Variants in TFEC observed in about 807,000 individuals in gnomAD.
The protein encoded by TFEC is transcription factor EC.
In TFEC, 31 loss-of-function variants were observed where a neutral mutation model predicts 41.6. The observed-to-expected ratio is 0.74, with a 90% CI of 0.56 to 1.01. The LOEUF (loss-of-function observed/expected upper bound fraction) is 1.01. Ranked by LOEUF, TFEC falls within the 50% of genes least tolerant of loss-of-function variation. The probability of loss-of-function intolerance (pLI) is 0.00; values close to 1 mark genes in which losing one functional copy is unlikely to be tolerated. For missense variants in TFEC, 402 were observed against 404.1 expected, an observed-to-expected ratio of 0.99 and a Z score of 0.04; for synonymous variants, 143 against 140.6, an observed-to-expected ratio of 1.02 and a Z score of -0.12.
At chr7:116,108,588 G>C (rs1797774040) in intron 3 of TFEC, among the ~76,000 whole-genome samples, 1 of 152,016 alleles carries the variant, frequency 6.6e-6, no homozygotes, top group Non-Finnish European at 1.5e-5. Flanking sequence ...CTAAATTTTA[G>C]ATGTACACTG....
At chr7:115,992,110 G>A (rs1296227813) in intron 1 of TFEC, among the ~76,000 whole-genome samples, 2 of 152,010 alleles carry the variant, frequency 1.3e-5, no homozygotes, top group African/African-American at 4.8e-5. Context: ...ATGACTACTG[G>A]GTACACGACG....
At chr7:116,033,800 A>G (rs1350410755), upstream of TFEC, among the ~76,000 whole-genome samples, 1 of 152,126 alleles carries the variant, frequency 6.6e-6, no homozygotes, top group Non-Finnish European at 1.5e-5. Context: ...AAAGGAAAAC[A>G]AATAATCTTC....
intron 5 of TFEC, among the ~76,000 whole-genome samples, chr7:115,954,385 G>A (rs937002325): frequency 6.6e-5 from 10 of 152,006 alleles, no homozygotes; most frequent in Non-Finnish European, 1.2e-4. Flanking sequence ...GAGGGAATTC[G>A]AGATGTTTCA....
chr7:116,089,626 A>C (rs1046911004), intron 3 of TFEC, among the ~76,000 whole-genome samples: 1 of 150,324 alleles, frequency 6.7e-6, no homozygotes, highest in Admixed American at 6.6e-5. Context: ...TGTATATATA[A>C]AACCTCTCAT....
intron 1 of TFEC, among the ~76,000 whole-genome samples, chr7:116,116,756 G>A (rs1797998650): frequency 6.6e-6 from 1 of 151,810 alleles, no homozygotes. Context: ...TCTCATTGAA[G>A]GGTCTACTGA....
At chr7:116,004,435 A>G (rs1355525018) in intron 1 of TFEC, among the ~76,000 whole-genome samples, 2 of 152,186 alleles carry the variant, frequency 1.3e-5, no homozygotes, top group East Asian at 3.9e-4. Context: ...GTGACCTCTA[A>G]TGTAAACTAT....
chr7:116,051,911 G>A (rs1796321682), intron 3 of TFEC, among the ~76,000 whole-genome samples: 1 of 151,938 alleles, frequency 6.6e-6, no homozygotes, highest in African/African-American at 2.4e-5. Flanking sequence ...CAGGTTCTCA[G>A]GGCCTTATGC....
At chr7:116,060,668 T>C (rs1796533041) in intron 3 of TFEC, among the ~76,000 whole-genome samples, 4 of 151,908 alleles carry the variant, frequency 2.6e-5, no homozygotes, top group Admixed American at 2.0e-4. Flanking sequence ...GATAAGAAAT[T>C]ATAACACAAA....
chr7:116,080,483 AC>A, intron 3 of TFEC, among the ~76,000 whole-genome samples: 1 of 152,034 alleles, frequency 6.6e-6, no homozygotes, highest in African/African-American at 2.4e-5. Flanking sequence ...AGAAGAAAAA[AC>A]AAAAAACAAC....
chr7:116,105,110 A>G (rs1797686957), intron 3 of TFEC, among the ~76,000 whole-genome samples: 1 of 152,144 alleles, frequency 6.6e-6, no homozygotes, highest in African/African-American at 2.4e-5. Flanking sequence ...GGAAGGATGA[A>G]TGCCAATGCT....
At chr7:116,120,540 G>C (rs957404749) in intron 1 of TFEC, 9 of 151,922 alleles carry the variant, frequency 5.9e-5, no homozygotes, top group African/African-American at 2.2e-4. Context: ...TAAAATTTGA[G>C]AAGCACTGTC....
intron 1 of TFEC, among the ~76,000 whole-genome samples, chr7:115,985,716 TA>T (rs1793823374): frequency 6.6e-6 from 1 of 152,090 alleles, no homozygotes; most frequent in African/African-American, 2.4e-5. Context: ...TTTTCAGTCA[TA>T]TAAAAAAGAT....
intron 1 of TFEC, among the ~76,000 whole-genome samples, chr7:116,143,757 C>T (rs760180692): frequency 4.6e-5 from 7 of 152,202 alleles, no homozygotes; most frequent in Non-Finnish European, 7.3e-5. Context: ...TCTGTCCCTA[C>T]TCCTTCTGCA....
At chr7:116,078,641 T>C (rs1484067876) in intron 3 of TFEC, among the ~76,000 whole-genome samples, 1 of 152,050 alleles carries the variant, frequency 6.6e-6, no homozygotes, top group Non-Finnish European at 1.5e-5. Context: ...CAGGAAGATA[T>C]AGAAGCTCTG....
At chr7:116,077,741 A>C (rs1796993337) in intron 3 of TFEC, among the ~76,000 whole-genome samples, 1 of 152,084 alleles carries the variant, frequency 6.6e-6, no homozygotes. Flanking sequence ...TCCTAAATAT[A>C]GATGCACCTA....
chr7:116,139,335 G>T (rs1798494589), intron 1 of TFEC, among the ~76,000 whole-genome samples: 1 of 152,144 alleles, frequency 6.6e-6, no homozygotes, highest in African/African-American at 2.4e-5. Context: ...AGAGTTGACA[G>T]CCTCCATTCA....
At chr7:116,047,429 G>T (rs1395705859) in intron 3 of TFEC, among the ~76,000 whole-genome samples, 1 of 152,132 alleles carries the variant, frequency 6.6e-6, no homozygotes, top group African/African-American at 2.4e-5. Flanking sequence ...AGATTGAACT[G>T]CCAGGTGGCA....
chr7:116,006,912 T>C (rs1338113376), intron 1 of TFEC, among the ~76,000 whole-genome samples: 1 of 152,092 alleles, frequency 6.6e-6, no homozygotes, highest in East Asian at 1.9e-4. Flanking sequence ...AGGGAGAGTT[T>C]CCCTGCACAA....
At chr7:116,149,999 A>G (rs1798726984) in intron 1 of TFEC, among the ~76,000 whole-genome samples, 1 of 152,308 alleles carries the variant, frequency 6.6e-6, no homozygotes, top group East Asian at 1.9e-4. Flanking sequence ...AAATTTGACA[A>G]AACCAAATAT....
Sources: allele counts gnomAD v4.1 joint callset (sites outside exome capture counted in the v4.1 genomes callset), GRCh38; gene constraint gnomAD v4.1.1; transcripts MANE v1.5; gene names NCBI Gene and HGNC (gene_info 2026-07-23, HGNC 2026-07-21).